The following GRM7 variants were observed in gnomAD, a reference collection of about 807,000 sequenced individuals.
GRM7 encodes the protein metabotropic glutamate receptor 7.
GRM7 carries 35 observed loss-of-function variants against 84.5 expected under a neutral mutation model. The ratio of observed to expected loss-of-function variants is 0.41; its 90% CI spans 0.32 to 0.55. The LOEUF is 0.55. Ranked by LOEUF, GRM7 falls within the 20% of genes least tolerant of loss-of-function variation. GRM7 has a pLI of 0.19. For synonymous variants in GRM7, 487 were observed against 455.1 expected (o/e 1.07, Z -0.89); for missense variants, 1,003 against 1,194.6 (o/e 0.84, Z 2.36).
At chr3:7,382,867 T>G (rs528317142) in intron 4 of GRM7, among the ~76,000 whole-genome samples, 1 of 152,334 alleles carries the variant, frequency 6.6e-6, no homozygotes, top group South Asian at 2.1e-4. Flanking sequence ...CTCAGTAGGC[T>G]CTGGACTTTG....
At chr3:7,174,533 T>G (rs1695082763) in intron 2 of GRM7, among the ~76,000 whole-genome samples, 1 of 152,244 alleles carries the variant, frequency 6.6e-6, no homozygotes, top group South Asian at 2.1e-4. Flanking sequence ...AAACACATCC[T>G]GAAGTTTCAG....
intron 7 of GRM7, among the ~76,000 whole-genome samples, chr3:7,496,820 C>G (rs1361558688): frequency 2.0e-5 from 3 of 151,566 alleles, no homozygotes; most frequent in African/African-American, 7.3e-5. Flanking sequence ...TGTGATTATA[C>G]CCACACACAC....
chr3:7,505,572 T>A (rs1325207770), intron 7 of GRM7, among the ~76,000 whole-genome samples: 8 of 152,360 alleles, frequency 5.3e-5, no homozygotes, highest in Admixed American at 5.2e-4. Flanking sequence ...AAGTCATGTG[T>A]TCACAGCTCT....
chr3:7,143,360 C>T (rs529453041), intron 1 of GRM7, among the ~76,000 whole-genome samples: 1 of 152,238 alleles, frequency 6.6e-6, no homozygotes, highest in East Asian at 1.9e-4. Context: ...CAAGGGATAT[C>T]CTTATAAAGC....
chr3:7,149,078 G>T (rs895591850), intron 2 of GRM7, among the ~76,000 whole-genome samples: 4 of 151,890 alleles, frequency 2.6e-5, no homozygotes, highest in African/African-American at 9.7e-5. Context: ...ACATATTATG[G>T]TATCTGGTAC....
At position 7,334,504 on chromosome 3, in the gene GRM7, A is replaced by G. The variant is rs541708135; in HGVS notation, c.1033+27852A>G. On this transcript the variant is annotated intron_variant, in intron 4 of 9. Coordinates refer to ENST00000357716, the MANE Select transcript of GRM7 (RefSeq NM_000844.4). ...CAAAAAAAATAGAAAAACAAAAACAAAAACAAAAACACAACATACATAGGC... is the reference window on the plus strand; with the variant it reads ...CAAAAAAAATAGAAAAACAAAAACAGAAACAAAAACACAACATACATAGGC... Among the ~76,000 whole-genome samples the G allele has an allele frequency of 1.4e-3, 219 of 151,920 alleles. 1 individual carries two copies. Among genetic ancestry groups the G allele is most frequent in the African/African-American group, 5.3e-3 (218 of 41,308 alleles).
intron 1 of GRM7, among the ~76,000 whole-genome samples, chr3:6,874,394 A>G (rs1207605708): frequency 1.3e-5 from 2 of 152,224 alleles, no homozygotes; most frequent in Non-Finnish European, 2.9e-5. Flanking sequence ...ACCCCCAGTC[A>G]GAGCCAGCTC....
intron 8 of GRM7, among the ~76,000 whole-genome samples, chr3:7,595,409 CTCTT>C (rs1165263133): frequency 1.3e-5 from 2 of 152,142 alleles, no homozygotes; most frequent in African/African-American, 4.8e-5. Context: ...AGATACTTTC[CTCTT>C]TCTTGTTTTT....
intron 4 of GRM7, among the ~76,000 whole-genome samples, chr3:7,337,369 C>G (rs2125073698): frequency 6.6e-6 from 1 of 152,048 alleles, no homozygotes; most frequent in East Asian, 1.9e-4. Flanking sequence ...AGTTCGTGAC[C>G]AAGAACCCAC....
chr3:7,304,386 TGAA>T lies in GRM7; in HGVS notation c.879-2109_879-2107del, dbSNP rs1700117574. 2.0e-5 allele frequency among the ~76,000 whole-genome samples: 3 copies of T among 150,820 alleles called. No individual in the cohort carries two copies. The South Asian group carries it at 6.3e-4, about 32-fold the overall frequency. ...TTTTGCATGTCTTCTCATTTTCTCT[TGAA>T]GAGCTTTTAGAACATTCTCATTATT... is the stretch of plus-strand genomic sequence containing the variant. On this transcript the variant is annotated intron_variant, in intron 3 of 9. Transcript: ENST00000357716.
At chr3:7,285,851 C>T (rs528451390) in intron 2 of GRM7, among the ~76,000 whole-genome samples, 1 of 152,202 alleles carries the variant, frequency 6.6e-6, no homozygotes, top group East Asian at 1.9e-4. Context: ...TAATTTATCT[C>T]TTAATTTCTG....
chr3:7,544,507 G>T (rs1365136590), intron 7 of GRM7, among the ~76,000 whole-genome samples: 1 of 152,124 alleles, frequency 6.6e-6, no homozygotes, highest in Non-Finnish European at 1.5e-5. Context: ...TGACTTACTG[G>T]ATGGGAGATC....
In GRM7 at chr3:7,405,737, T is replaced by G. The variant is rs185537349; in HGVS notation, c.1034-9286T>G. On this transcript the variant is annotated intron_variant, in intron 4 of 9. Transcript: ENST00000357716. ...AGAGATAATATTTTATATACATATTTTTTGTTTTATGTGGCATGTGTCTGT... is the reference window on the plus strand; with the variant it reads ...AGAGATAATATTTTATATACATATTGTTTGTTTTATGTGGCATGTGTCTGT... Among the ~76,000 whole-genome samples, 21 of 152,262 alleles carry G rather than the reference T, an allele frequency of 1.4e-4. No individual in the cohort carries two copies. In the East Asian group the frequency reaches 4.0e-3, roughly 29 times the overall value.
intron 2 of GRM7, among the ~76,000 whole-genome samples, chr3:7,207,395 G>T (rs894450680): frequency 1.3e-5 from 2 of 152,134 alleles, no homozygotes; most frequent in Non-Finnish European, 2.9e-5. Context: ...TGTGAAATAT[G>T]CAAATTTCAT....
intron 4 of GRM7, among the ~76,000 whole-genome samples, chr3:7,390,565 T>A (rs887198360): frequency 3.9e-5 from 6 of 152,086 alleles, no homozygotes; most frequent in Admixed American, 2.6e-4. Flanking sequence ...TTTCTTTTTT[T>A]AGTATTTTGG....
At chr3:7,628,978 A>C (rs1697745614) in intron 8 of GRM7, among the ~76,000 whole-genome samples, 1 of 152,192 alleles carries the variant, frequency 6.6e-6, no homozygotes, top group Non-Finnish European at 1.5e-5. Flanking sequence ...ATGAGGATAC[A>C]TATTGCAAAT....
At chr3:7,110,838 G>A (rs977385067) in intron 1 of GRM7, among the ~76,000 whole-genome samples, 2 of 152,030 alleles carry the variant, frequency 1.3e-5, no homozygotes, top group Admixed American at 1.3e-4. Context: ...CTGCAGTGGA[G>A]GTGTGTATAC....
intron 1 of GRM7, among the ~76,000 whole-genome samples, chr3:6,864,079 T>C (rs1694858303): frequency 6.6e-6 from 1 of 152,198 alleles, no homozygotes; most frequent in African/African-American, 2.4e-5. Flanking sequence ...AACCCAATGT[T>C]AGCGTTAGCG....
intron 7 of GRM7, among the ~76,000 whole-genome samples, chr3:7,488,501 T>C (rs1699404100): frequency 6.6e-6 from 1 of 152,204 alleles, no homozygotes; most frequent in Non-Finnish European, 1.5e-5. Context: ...GAGTCCTCAC[T>C]TCTACAGGAC....
Sources: allele counts gnomAD v4.1 joint callset (sites outside exome capture counted in the v4.1 genomes callset), GRCh38; gene constraint gnomAD v4.1.1; transcripts MANE v1.5; gene names NCBI Gene and HGNC (gene_info 2026-07-23, HGNC 2026-07-21).